GLRA2: variants seen among roughly 807,000 people sequenced by gnomAD.
The protein encoded by GLRA2 is glycine receptor subunit alpha-2.
Under a neutral mutation model 31.6 loss-of-function variants are expected in GLRA2, and 11 were observed. The observed-to-expected ratio is 0.35, with a 90% CI of 0.22 to 0.58. The LOEUF (loss-of-function observed/expected upper bound fraction) is 0.58, where lower values mean the gene tolerates loss of function less well. GLRA2 is among the 20% of genes least tolerant of loss of function. GLRA2 has a pLI of 0.84. For missense variants in GLRA2, 212 were observed against 351.8 expected (o/e 0.60, Z 3.18); for synonymous variants, 132 against 134.0 (o/e 0.99, Z 0.10).
intron 2 of GLRA2, among the ~76,000 whole-genome samples, chrX:14,539,525 C>T (rs1317409021): frequency 9.0e-6 from 1 of 111,671 alleles, no homozygotes; most frequent in Admixed American, 9.5e-5. Context: ...CATGTAAGAA[C>T]AAAGTCACCA....
the GLRA2 span, among the ~76,000 whole-genome samples, chrX:14,454,766 G>T: frequency 1.8e-5 from 2 of 111,477 alleles, no homozygotes; most frequent in Non-Finnish European, 1.9e-5. Context: ...CTTGAAATAA[G>T]TTCATCCTTT....
chrX:14,567,994 A>G (rs748667694), intron 2 of GLRA2, among the ~76,000 whole-genome samples: 38 of 112,372 alleles, frequency 3.4e-4, no homozygotes, highest in African/African-American at 1.2e-3. Flanking sequence ...TAAATGGAAA[A>G]ACATCCCTTA....
rs2091981545 is a variant in GLRA2, at chrX:14,730,639, A to G, written c.*154A>G. The stretch of plus-strand genomic sequence containing the variant: ...GGTTTCCTGGCACCTACATGAAAAA[A>G]AAGACAAGTTATATGGGTGATGAAG... On this transcript the variant is annotated 3_prime_UTR_variant, in exon 9 of 9. Coordinates refer to ENST00000218075, the MANE Select transcript of GLRA2 (RefSeq NM_002063.4). 1 of 454,106 alleles carries G rather than the reference A, an allele frequency of 2.2e-6. No individual in the cohort carries two copies. The highest frequency in any genetic ancestry group is 2.4e-5 in the African/African-American group (1 of 41,012). 37.4% of individuals were successfully genotyped at this position (454,106 alleles called of 1,213,427 possible).
At chrX:14,481,238 T>G in the GLRA2 span, among the ~76,000 whole-genome samples, 1 of 111,752 alleles carries the variant, frequency 8.9e-6, no homozygotes. Context: ...GAAATTTTAC[T>G]GAAGTCCTCA....
intron 2 of GLRA2, among the ~76,000 whole-genome samples, chrX:14,573,170 T>C (rs1200734302): frequency 8.9e-6 from 1 of 112,329 alleles, no homozygotes; most frequent in Non-Finnish European, 1.9e-5. Context: ...CACAACTCCT[T>C]GCTCCTTCTT....
At chrX:14,711,482 G>A (rs2091709298) in intron 8 of GLRA2, among the ~76,000 whole-genome samples, 1 of 112,133 alleles carries the variant, frequency 8.9e-6, no homozygotes, top group African/African-American at 3.2e-5. Flanking sequence ...ATGATTATGG[G>A]AACCTGGTAA....
chrX:14,549,722 T>A (rs1245475504), intron 2 of GLRA2, among the ~76,000 whole-genome samples: 1 of 111,991 alleles, frequency 8.9e-6, no homozygotes, highest in Non-Finnish European at 1.9e-5. Flanking sequence ...GTTGAAAATT[T>A]TAATCTGGAG....
At chrX:14,674,897 G>T (rs952188466) in intron 7 of GLRA2, among the ~76,000 whole-genome samples, 12 of 110,675 alleles carry the variant, frequency 1.1e-4, no homozygotes, top group African/African-American at 3.9e-4. Context: ...CACCCAATTG[G>T]GTCTTTTCTT....
At chrX:14,630,803 CTTTT>C (rs34851916) in intron 7 of GLRA2, among the ~76,000 whole-genome samples, 4 of 89,977 alleles carry the variant, frequency 4.4e-5, no homozygotes, top group South Asian at 5.4e-4. Flanking sequence ...TTGGTCTCTG[CTTTT>C]TTTTTTTTTT....
chrX:14,541,356 C>T (rs758568447), intron 2 of GLRA2, among the ~76,000 whole-genome samples: 42 of 111,204 alleles, frequency 3.8e-4, no homozygotes, highest in African/African-American at 1.2e-3. Context: ...TGCTCATTTC[C>T]CACTCCTTGG....
chrX:14,474,651 CAGCTGGGATGGCTGGGAT>C, the GLRA2 span, among the ~76,000 whole-genome samples: 143 of 101,810 alleles, frequency 1.4e-3, 1 homozygote, highest in Middle Eastern at 5.0e-3. Flanking sequence ...AGGATGGCTT[CAGCTGGGATGGCTGGGAT>C]GGCTGGGATG....
chrX:14,595,996 C>A (rs2090197659), intron 4 of GLRA2, among the ~76,000 whole-genome samples: 1 of 111,651 alleles, frequency 9.0e-6, no homozygotes, highest in Non-Finnish European at 1.9e-5. Context: ...ATGTATAATA[C>A]TAAGTTACAG....
the GLRA2 span, among the ~76,000 whole-genome samples, chrX:14,511,188 G>T: frequency 3.6e-5 from 4 of 111,825 alleles, no homozygotes; most frequent in Admixed American, 2.8e-4. Context: ...ATATTATTTG[G>T]CCTTATCTTT....
intron 2 of GLRA2, among the ~76,000 whole-genome samples, chrX:14,560,797 C>CAAA (rs760583127): frequency 3.4e-4 from 14 of 41,237 alleles, no homozygotes; most frequent in East Asian, 1.0e-3. Flanking sequence ...GACCCTGTCT[C>CAAA]AAAAAAAAAA....
In GLRA2 at chrX:14,574,671, C is replaced by G. The variant is rs1042193621; in HGVS notation, c.270+271C>G. 7 of 561,011 alleles carry G rather than the reference C, an allele frequency of 1.2e-5. No homozygotes were observed. The African/African-American group carries it at 1.4e-4, about 11-fold the overall frequency. The allele number at this position is 561,011 out of a possible 1,213,427, so 46.2% of individuals were successfully genotyped here. On this transcript the variant is annotated intron_variant, in intron 3 of 8. Transcript: ENST00000218075. ...CTGAGTGCCAATTTCCAACTTTGCT[C>G]GCCTCTGAAAAGCAATAATTTATAC...
chrX:14,594,960 A>C (rs891191480), intron 4 of GLRA2, among the ~76,000 whole-genome samples: 44 of 97,100 alleles, frequency 4.5e-4, no homozygotes, highest in African/African-American at 1.5e-3. Flanking sequence ...AAAAAAAAAA[A>C]CAGCAAAAGT....
chrX:14,677,491 C>T (rs560121501), intron 7 of GLRA2, among the ~76,000 whole-genome samples: 42 of 111,985 alleles, frequency 3.8e-4, no homozygotes, highest in African/African-American at 1.3e-3. Flanking sequence ...ATGGGCAAGA[C>T]GACCGTGGGC....
At chrX:14,681,910 A>ATATATATATATAT (rs1556060453) in intron 7 of GLRA2, among the ~76,000 whole-genome samples, 7 of 41,276 alleles carry the variant, frequency 1.7e-4, no homozygotes, top group African/African-American at 2.4e-4. Context: ...AAAAAAAAAA[A>ATATATATATATAT]ATATATATAT....
the GLRA2 span, among the ~76,000 whole-genome samples, chrX:14,469,913 G>A: frequency 3.6e-5 from 4 of 110,643 alleles, no homozygotes; most frequent in Non-Finnish European, 7.6e-5. Flanking sequence ...AATGAAATCA[G>A]CTTTAAAAAG....
Sources: gnomAD v4.1 joint callset for allele counts (sites outside exome capture counted in the v4.1 genomes callset) on GRCh38, gnomAD v4.1.1 for gene constraint, MANE v1.5 for transcripts, NCBI Gene and HGNC (gene_info 2026-07-23, HGNC 2026-07-21) for gene names.